The following SLC24A3 variants were observed in gnomAD, a reference collection of about 807,000 sequenced individuals.
SLC24A3 encodes the protein solute carrier family 24 member 3.
A neutral mutation model predicts 75.8 loss-of-function variants in SLC24A3; 28 were observed. The ratio of observed to expected loss-of-function variants is 0.37; its 90% CI spans 0.27 to 0.51. The LOEUF (loss-of-function observed/expected upper bound fraction) is 0.51, where lower values mean the gene tolerates loss of function less well. Ranked by LOEUF, SLC24A3 falls within the 20% of genes least tolerant of loss-of-function variation. SLC24A3 has a pLI of 0.94. For missense variants in SLC24A3, 663 were observed against 847.8 expected (o/e 0.78, Z 2.71); for synonymous variants, 372 against 334.1 (o/e 1.11, Z -1.24).
intron 3 of SLC24A3, among the ~76,000 whole-genome samples, chr20:19,535,351 A>T (rs1161178671): frequency 1.3e-5 from 2 of 152,150 alleles, no homozygotes; most frequent in Admixed American, 6.5e-5. Flanking sequence ...CAGCAGTTAG[A>T]CCAGCTTGGT....
At chr20:19,594,359 C>T (rs573526066) in intron 6 of SLC24A3, among the ~76,000 whole-genome samples, 1 of 152,194 alleles carries the variant, frequency 6.6e-6, no homozygotes, top group Non-Finnish European at 1.5e-5. Context: ...CACACCAGGA[C>T]CTGAGGCCTG....
intron 3 of SLC24A3, 92 bp downstream of exon 3, chr20:19,515,656 C>G: frequency 7.8e-7 from 1 of 1,276,010 alleles, no homozygotes; most frequent in African/African-American, 1.5e-5. Flanking sequence ...AGTAGATTCT[C>G]TCTGCCCTCC....
intron 15 of SLC24A3, among the ~76,000 whole-genome samples, chr20:19,708,287 A>G (rs1462173461): frequency 6.6e-6 from 1 of 151,958 alleles, no homozygotes; most frequent in Non-Finnish European, 1.5e-5. Context: ...CTCCCCCTTA[A>G]CTCCCTGAGG....
At chr20:19,608,551 C>A (rs1369889893) in intron 6 of SLC24A3, among the ~76,000 whole-genome samples, 1 of 152,202 alleles carries the variant, frequency 6.6e-6, no homozygotes, top group Non-Finnish European at 1.5e-5. Flanking sequence ...CTTTTCTTTG[C>A]AGATTAGCAA....
At chr20:19,333,674 T>C (rs891438642) in intron 2 of SLC24A3, among the ~76,000 whole-genome samples, 1 of 151,966 alleles carries the variant, frequency 6.6e-6, no homozygotes, top group African/African-American at 2.4e-5. Flanking sequence ...TGTGTGTGTG[T>C]GTGCAGTATA....
intron 2 of SLC24A3, among the ~76,000 whole-genome samples, chr20:19,512,498 A>G (rs1169904217): frequency 6.6e-6 from 1 of 152,226 alleles, no homozygotes; most frequent in East Asian, 1.9e-4. Flanking sequence ...CTCCTCCACC[A>G]GAGAACCAGG....
chr20:19,287,358 T>G (rs556138163), intron 2 of SLC24A3, among the ~76,000 whole-genome samples: 1 of 152,352 alleles, frequency 6.6e-6, no homozygotes, highest in East Asian at 1.9e-4. Flanking sequence ...CGGAGCTCAG[T>G]CACATGACAA....
intron 2 of SLC24A3, among the ~76,000 whole-genome samples, chr20:19,432,516 G>T (rs1433951370): frequency 6.6e-6 from 1 of 152,048 alleles, no homozygotes; most frequent in Admixed American, 6.5e-5. Context: ...ATTCCAAGCT[G>T]ACGTCTACCA....
chr20:19,226,843 T>C (rs1981883594), intron 1 of SLC24A3, among the ~76,000 whole-genome samples: 1 of 152,380 alleles, frequency 6.6e-6, no homozygotes, highest in East Asian at 1.9e-4. Context: ...GTCTTAACTA[T>C]TACATCGTAT....
intron 3 of SLC24A3, among the ~76,000 whole-genome samples, chr20:19,569,181 G>A (rs1190984412): frequency 6.6e-6 from 1 of 152,168 alleles, no homozygotes; most frequent in Non-Finnish European, 1.5e-5. Context: ...ATCCACAGGG[G>A]ATGTAAGATG....
intron 15 of SLC24A3, among the ~76,000 whole-genome samples, chr20:19,708,873 G>T (rs2032958115): frequency 6.6e-6 from 1 of 152,216 alleles, no homozygotes; most frequent in Non-Finnish European, 1.5e-5. Context: ...CCTGAGGGAA[G>T]GAAGGGTTCT....
chr20:19,230,224 A>G (rs1275209070), intron 1 of SLC24A3, among the ~76,000 whole-genome samples: 1 of 152,142 alleles, frequency 6.6e-6, no homozygotes, highest in Non-Finnish European at 1.5e-5. Flanking sequence ...TCACCTGGTC[A>G]CAATTGTCAG....
chr20:19,257,405 C>A (rs1245779102), intron 1 of SLC24A3, among the ~76,000 whole-genome samples: 2 of 152,194 alleles, frequency 1.3e-5, no homozygotes, highest in Non-Finnish European at 2.9e-5. Context: ...GCAGTAAATT[C>A]CCAGCTGGCG....
At chr20:19,459,741 G>T (rs186240665) in intron 2 of SLC24A3, among the ~76,000 whole-genome samples, 9 of 152,112 alleles carry the variant, frequency 5.9e-5, no homozygotes, top group African/African-American at 2.2e-4. Context: ...GTGATCTCCA[G>T]GTGGCCTGAG....
chr20:19,617,535 C>T lies in SLC24A3; in HGVS notation c.612+31991C>T, dbSNP rs1600304905. ...TCACAGTATTTTCTTCTCACGTAGG[C>T]TCAGGAGACATTGTCCATGACTTTT... is the stretch of plus-strand genomic sequence containing the variant. On this transcript the variant is annotated intron_variant, in intron 6 of 16. Coordinates refer to ENST00000328041, the MANE Select transcript of SLC24A3 (RefSeq NM_020689.4). Among the ~76,000 whole-genome samples the T allele has an allele frequency of 2.0e-5, 3 of 152,186 alleles. No homozygotes were observed. The East Asian group carries it at 5.8e-4, about 29-fold the overall frequency.
intron 1 of SLC24A3, among the ~76,000 whole-genome samples, chr20:19,234,669 G>C (rs1982113526): frequency 6.6e-6 from 1 of 152,190 alleles, no homozygotes; most frequent in African/African-American, 2.4e-5. Context: ...AGAGCTGCAG[G>C]TGCACAGGAG....
At chr20:19,388,550 A>G (rs1193170034) in intron 2 of SLC24A3, among the ~76,000 whole-genome samples, 1 of 152,162 alleles carries the variant, frequency 6.6e-6, no homozygotes, top group African/African-American at 2.4e-5. Flanking sequence ...TCTCTACTAG[A>G]AATACAAAAA....
intron 1 of SLC24A3, among the ~76,000 whole-genome samples, chr20:19,265,107 C>G (rs538985093): frequency 6.6e-6 from 1 of 152,290 alleles, no homozygotes; most frequent in South Asian, 2.1e-4. Flanking sequence ...CAACGTAAAG[C>G]ATTACTGCAC....
intron 2 of SLC24A3, among the ~76,000 whole-genome samples, chr20:19,343,331 G>T (rs1048159995): frequency 6.6e-6 from 1 of 152,052 alleles, no homozygotes; most frequent in Admixed American, 6.6e-5. Context: ...GTGACCTTGG[G>T]CAAGTCAGTT....
Sources: gnomAD v4.1 joint callset for allele counts (sites outside exome capture counted in the v4.1 genomes callset) on GRCh38, gnomAD v4.1.1 for gene constraint, MANE v1.5 for transcripts, NCBI Gene and HGNC (gene_info 2026-07-23, HGNC 2026-07-21) for gene names.